The following SNX29 variants were observed in gnomAD, a reference collection of about 807,000 sequenced individuals.
The protein encoded by SNX29 is sorting nexin-29.
A neutral mutation model predicts 102.1 loss-of-function variants in SNX29; 78 were observed. The ratio of observed to expected loss-of-function variants is 0.76; its 90% confidence interval spans 0.64 to 0.92. The LOEUF (loss-of-function observed/expected upper bound fraction) is 0.92, where lower values mean the gene tolerates loss of function less well. Among genes scored for constraint, SNX29 ranks in the 40% least tolerant of loss-of-function variants. The pLI is 0.00. For synonymous variants in SNX29, 580 were observed against 414.5 expected (o/e 1.40, Z -4.85); for missense variants, 1,280 against 1,061.7 (o/e 1.21, Z -2.86).
At chr16:12,076,974 A>T (rs908395909) in intron 10 of SNX29, among the ~76,000 whole-genome samples, 3 of 152,032 alleles carry the variant, frequency 2.0e-5, no homozygotes, top group Non-Finnish European at 4.4e-5. Context: ...TTTTTTTGCT[A>T]TTTATTTTAG....
At chr16:12,443,564 C>T (rs1411465155) in intron 18 of SNX29, among the ~76,000 whole-genome samples, 2 of 152,184 alleles carry the variant, frequency 1.3e-5, no homozygotes, top group African/African-American at 4.8e-5. Context: ...GATTCTCCTG[C>T]CTCAGCCTCC....
intron 16 of SNX29, among the ~76,000 whole-genome samples, chr16:12,393,506 G>A: frequency 6.7e-6 from 1 of 149,146 alleles, no homozygotes; most frequent in East Asian, 1.9e-4. Context: ...ACAGGTGGGT[G>A]TGGTAAGCAC....
intron 14 of SNX29, among the ~76,000 whole-genome samples, chr16:12,242,316 A>T (rs1467300701): frequency 1.3e-5 from 2 of 148,474 alleles, no homozygotes; most frequent in African/African-American, 4.9e-5. Flanking sequence ...TTATAGTGGC[A>T]TTAGATTCTC....
At chr16:12,451,753 A>G (rs936509067) in intron 18 of SNX29, among the ~76,000 whole-genome samples, 1 of 152,188 alleles carries the variant, frequency 6.6e-6, no homozygotes, top group Non-Finnish European at 1.5e-5. Flanking sequence ...AGTCCCAGCT[A>G]CTAGGGAGGC....
chr16:12,561,590 T>C (rs1472902900), intron 20 of SNX29, among the ~76,000 whole-genome samples: 1 of 152,090 alleles, frequency 6.6e-6, no homozygotes, highest in African/African-American at 2.4e-5. Context: ...GTCAGCCGCA[T>C]GCTGGTGACA....
chr16:12,175,722 G>A (rs1310216703), intron 13 of SNX29, among the ~76,000 whole-genome samples: 2 of 152,018 alleles, frequency 1.3e-5, no homozygotes, highest in Non-Finnish European at 2.9e-5. Context: ...GGGAGGTTGG[G>A]TGTGGTATAA....
chr16:11,999,406 G>T (rs1596556281), intron 2 of SNX29, 48 bp downstream of exon 2: 1 of 1,580,632 alleles, frequency 6.3e-7, no homozygotes, highest in Non-Finnish European at 8.7e-7. Flanking sequence ...AATAGTGTCA[G>T]ATAATTAATG....
At chr16:12,179,610 C>T (rs1191174196) in intron 13 of SNX29, among the ~76,000 whole-genome samples, 2 of 152,206 alleles carry the variant, frequency 1.3e-5, no homozygotes, top group Non-Finnish European at 2.9e-5. Flanking sequence ...ATCCTGGTCT[C>T]ATCTTGAGTT....
chr16:12,141,635 T>G (rs2054873717), intron 13 of SNX29, among the ~76,000 whole-genome samples: 1 of 152,240 alleles, frequency 6.6e-6, no homozygotes, highest in South Asian at 2.1e-4. Flanking sequence ...CCTCCCACTT[T>G]TAGACCATGT....
chr16:12,218,699 C>G (rs932617556), intron 14 of SNX29, among the ~76,000 whole-genome samples: 2 of 152,208 alleles, frequency 1.3e-5, no homozygotes, highest in Non-Finnish European at 2.9e-5. Context: ...TAGAGTCCAT[C>G]ATGTGGCTAT....
intron 3 of SNX29, among the ~76,000 whole-genome samples, chr16:12,006,977 C>T (rs1201743862): frequency 6.6e-6 from 1 of 152,122 alleles, no homozygotes. Flanking sequence ...CCATAGCCTA[C>T]GTTAGACGTT....
At chr16:12,422,480 C>T (rs572677946) in intron 18 of SNX29, among the ~76,000 whole-genome samples, 2 of 152,330 alleles carry the variant, frequency 1.3e-5, no homozygotes, top group African/African-American at 2.4e-5. Flanking sequence ...TCTTCCAAAT[C>T]CCCTGCTGCA....
chr16:11,990,714 A>G (rs918279979), intron 1 of SNX29, among the ~76,000 whole-genome samples: 3 of 151,838 alleles, frequency 2.0e-5, no homozygotes, highest in Non-Finnish European at 4.4e-5. Flanking sequence ...TCCCTGCAAG[A>G]CTCTGTATGT....
intron 15 of SNX29, among the ~76,000 whole-genome samples, chr16:12,306,567 G>A (rs557147397): frequency 1.3e-5 from 2 of 152,328 alleles, no homozygotes; most frequent in South Asian, 2.1e-4. Context: ...GCGTGTAAAT[G>A]CCTTTGAATA....
At chr16:12,024,283 C>T (rs368508346) in intron 3 of SNX29, among the ~76,000 whole-genome samples, 3 of 152,172 alleles carry the variant, frequency 2.0e-5, no homozygotes, top group East Asian at 3.9e-4. Flanking sequence ...GGATTATAAG[C>T]ATGTGCCGCC....
intron 14 of SNX29, among the ~76,000 whole-genome samples, chr16:12,263,737 A>T (rs369958989): frequency 5.9e-5 from 9 of 152,330 alleles, no homozygotes; most frequent in East Asian, 1.9e-4. Flanking sequence ...TGAGAGTGAC[A>T]AATTTTGTCT....
chr16:12,149,772 G>A (rs2055220422), intron 13 of SNX29, among the ~76,000 whole-genome samples: 1 of 152,206 alleles, frequency 6.6e-6, no homozygotes, highest in South Asian at 2.1e-4. Context: ...GACACAGGAA[G>A]CTAATAAATG....
At chr16:12,537,778 A>G (rs578225905) in intron 20 of SNX29, among the ~76,000 whole-genome samples, 1 of 152,188 alleles carries the variant, frequency 6.6e-6, no homozygotes, top group East Asian at 1.9e-4. Flanking sequence ...TAAACAAAAA[A>G]AAGTAATAAA....
At chr16:12,337,781 G>C (rs1198858452) in intron 15 of SNX29, among the ~76,000 whole-genome samples, 1 of 152,218 alleles carries the variant, frequency 6.6e-6, no homozygotes, top group East Asian at 1.9e-4. Context: ...GCCTCATGGA[G>C]AAACCCTGAG....
Sources: gnomAD v4.1 joint callset for allele counts (sites outside exome capture counted in the v4.1 genomes callset) on GRCh38, gnomAD v4.1.1 for gene constraint, MANE v1.5 for transcripts, NCBI Gene and HGNC (gene_info 2026-07-23, HGNC 2026-07-21) for gene names.